The following AFF3 variants were observed in gnomAD, a reference collection of about 807,000 sequenced individuals.
AFF3 encodes the protein AF4/FMR2 family member 3.
AFF3 carries 32 observed loss-of-function variants against 129.7 expected under a neutral mutation model. The observed-to-expected ratio is 0.25, with a 90% CI of 0.19 to 0.33. The LOEUF (loss-of-function observed/expected upper bound fraction) is 0.33. Ranked by LOEUF, AFF3 falls within the 10% of genes least tolerant of loss-of-function variation. The pLI, the probability that AFF3 is intolerant of heterozygous loss-of-function variation, is 1.00. For missense variants in AFF3, 1,373 were observed against 1,592.0 expected (o/e 0.86, Z 2.34); for synonymous variants, 644 against 635.4 (o/e 1.01, Z -0.20).
chr2:99,815,565 C>T (rs1351293652), intron 8 of AFF3, among the ~76,000 whole-genome samples: 2 of 121,520 alleles, frequency 1.6e-5, no homozygotes, highest in African/African-American at 3.1e-5. Flanking sequence ...TATCATATTC[C>T]TTCTGCCTAA....
At chr2:99,740,353 G>C (rs1209673807) in intron 10 of AFF3, among the ~76,000 whole-genome samples, 1 of 151,440 alleles carries the variant, frequency 6.6e-6, no homozygotes, top group Non-Finnish European at 1.5e-5. Context: ...GCGTCAAATG[G>C]TATTTCTAGT....
At chr2:99,920,047 T>A (rs1332031892) in intron 7 of AFF3, among the ~76,000 whole-genome samples, 1 of 152,090 alleles carries the variant, frequency 6.6e-6, no homozygotes, top group African/African-American at 2.4e-5. Flanking sequence ...TAACTCTATA[T>A]CTGTTTAAGA....
intron 18 of AFF3, among the ~76,000 whole-genome samples, chr2:99,571,503 G>C (rs989421625): frequency 6.6e-6 from 1 of 152,124 alleles, no homozygotes. Context: ...TTTAAATCCT[G>C]ATATGGAGGC....
chr2:100,099,495 A>G (rs1354917474), intron 4 of AFF3, among the ~76,000 whole-genome samples: 1 of 151,926 alleles, frequency 6.6e-6, no homozygotes, highest in East Asian at 2.0e-4. Context: ...AACAAGATCC[A>G]CACTTTATTC....
chr2:99,595,435 A>G (rs1679189555), intron 14 of AFF3, among the ~76,000 whole-genome samples: 1 of 152,176 alleles, frequency 6.6e-6, no homozygotes. Context: ...ACCAGATACC[A>G]GGCTAGAGTA....
intron 10 of AFF3, among the ~76,000 whole-genome samples, chr2:99,733,306 G>C (rs1679983438): frequency 6.6e-6 from 1 of 151,426 alleles, no homozygotes; most frequent in African/African-American, 2.4e-5. Flanking sequence ...CTTGAACCTG[G>C]GAGGTGGAGG....
intron 2 of AFF3, among the ~76,000 whole-genome samples, chr2:100,118,624 A>AT (rs376294854): frequency 5.2e-4 from 78 of 149,828 alleles, no homozygotes; most frequent in Admixed American, 1.7e-3. Context: ...TAATGATGGG[A>AT]TTTTTTTTTT....
chr2:100,106,544 C>T, intron 2 of AFF3: 1 of 996,616 alleles, frequency 1.0e-6, no homozygotes, highest in Non-Finnish European at 1.2e-6. Flanking sequence ...ACAGCATTCC[C>T]AGGAACAAAG....
In AFF3 at chr2:99,729,901, T is replaced by C. The variant is rs532015021; in HGVS notation, c.1040-2773A>G. Reference sequence around the variant, plus strand: ...TTTGGGAGGGAATCTGCATTGGTCATTAATAAGCTGGGTGCAGGGAAGCCA... The same window carrying C: ...TTTGGGAGGGAATCTGCATTGGTCACTAATAAGCTGGGTGCAGGGAAGCCA... On this transcript the variant is annotated intron_variant, in intron 10 of 24. Transcript: ENST00000672756. Among the ~76,000 whole-genome samples the C allele has an allele frequency of 2.4e-4, 36 of 152,036 alleles. No individual in the cohort carries two copies. In the South Asian group the frequency reaches 7.5e-3, roughly 32 times the overall value.
chr2:100,136,114 C>T (rs796145895), intron 1 of AFF3, among the ~76,000 whole-genome samples: 14 of 152,228 alleles, frequency 9.2e-5, no homozygotes, highest in South Asian at 4.2e-4. Context: ...CATGTTAAGA[C>T]GTAAGGTTGA....
At chr2:99,591,529 G>A (rs1678680484) in intron 15 of AFF3, among the ~76,000 whole-genome samples, 1 of 152,114 alleles carries the variant, frequency 6.6e-6, no homozygotes, top group Non-Finnish European at 1.5e-5. Context: ...GTGCCCTTAG[G>A]TTACAAAGAT....
At chr2:99,708,677 AT>A (rs1428516717) in intron 11 of AFF3, among the ~76,000 whole-genome samples, 9 of 152,326 alleles carry the variant, frequency 5.9e-5, no homozygotes, top group Non-Finnish European at 1.3e-4. Flanking sequence ...TAGAATTCAC[AT>A]GAATGTTGAA....
intron 19 of AFF3, among the ~76,000 whole-genome samples, chr2:99,568,470 T>G (rs1676182789): frequency 6.6e-6 from 1 of 152,194 alleles, no homozygotes; most frequent in Non-Finnish European, 1.5e-5. Context: ...AGAACACAAG[T>G]GTTTTTGAAA....
chr2:99,595,001 A>G (rs1039425749), intron 14 of AFF3, among the ~76,000 whole-genome samples: 2 of 152,240 alleles, frequency 1.3e-5, no homozygotes, highest in Non-Finnish European at 1.5e-5. Flanking sequence ...AACTTAGAGC[A>G]ACTCATGAAA....
chr2:99,822,459 T>C (rs1443132186), intron 8 of AFF3, among the ~76,000 whole-genome samples: 1 of 152,206 alleles, frequency 6.6e-6, no homozygotes, highest in African/African-American at 2.4e-5. Context: ...TTTTAGCCAC[T>C]GCCTTTTCAT....
In AFF3 at chr2:99,942,548, G is replaced by A. The variant is rs576185602; in HGVS notation, c.873+64084C>T. ...TTATGAATTAAGTGGGGGGAGGGGC[G>A]GGGGGGGGGTCGCGGCACAGGGAAT... On this transcript the variant is annotated intron_variant, in intron 7 of 24. Transcript: ENST00000672756. 1.6e-4 allele frequency among the ~76,000 whole-genome samples: 11 copies of A among 69,952 alleles called. No individual in the cohort carries two copies. The South Asian group carries it at 3.5e-3, about 23-fold the overall frequency. The allele number at this position is 69,952 out of a possible 152,430, so 45.9% of individuals were successfully genotyped here. A position where few individuals can be genotyped will look rare whatever the true frequency, so the allele number is the denominator to read the frequency against.
Position 99,686,013 on chromosome 2 carries a change from C to T in AFF3, c.1092-13424G>A, listed in dbSNP as rs566546765. On this transcript the variant is annotated intron_variant, in intron 11 of 24. Coordinates refer to ENST00000672756, the MANE Select transcript of AFF3 (RefSeq NM_001386135.1). Reference sequence around the variant, plus strand: ...ACCATCCTGGCTAACACAGTGAAACCCTGTCTCCACTAAAAATACAAAAAA... The same window carrying T: ...ACCATCCTGGCTAACACAGTGAAACTCTGTCTCCACTAAAAATACAAAAAA... 6.6e-5 allele frequency among the ~76,000 whole-genome samples: 10 copies of T among 151,982 alleles called. No individual in the cohort carries two copies. In the East Asian group the frequency reaches 1.5e-3, roughly 24 times the overall value.
rs570928678 is a variant in AFF3, at chr2:99,682,947, G to T, written c.1092-10358C>A. ...CTGGAGACATCTGAGATTACTGTTA[G>T]CAGTTTTCTGTTATTCTTGCATTTA... On this transcript the variant is annotated intron_variant, in intron 11 of 24. Transcript: ENST00000672756. Among the ~76,000 whole-genome samples the T allele has an allele frequency of 1.3e-3, 202 of 152,328 alleles. 1 individual carries two copies. Among genetic ancestry groups the T allele is most frequent in the African/African-American group, 4.4e-3 (182 of 41,578 alleles).
intron 11 of AFF3, among the ~76,000 whole-genome samples, chr2:99,697,611 T>G (rs374947383): frequency 8.5e-5 from 13 of 152,360 alleles, no homozygotes; most frequent in African/African-American, 3.1e-4. Context: ...GCCCTTGCGA[T>G]CAGAATAAGA....
Sources: gnomAD v4.1 joint callset for allele counts (sites outside exome capture counted in the v4.1 genomes callset) on GRCh38, gnomAD v4.1.1 for gene constraint, MANE v1.5 for transcripts, NCBI Gene and HGNC (gene_info 2026-07-23, HGNC 2026-07-21) for gene names.